Variants in RBFOX1 observed in about 807,000 individuals in gnomAD.
The protein encoded by RBFOX1 is RNA binding fox-1 homolog 1.
In RBFOX1, 8 loss-of-function variants were observed where a neutral mutation model predicts 57.7. The ratio of observed to expected loss-of-function variants is 0.14; its 90% confidence interval spans 0.08 to 0.25. RBFOX1 has a LOEUF of 0.25. Among genes scored for constraint, RBFOX1 ranks in the 10% least tolerant of loss-of-function variants. The probability of loss-of-function intolerance (pLI) is 1.00; values close to 1 mark genes in which losing one functional copy is unlikely to be tolerated. For synonymous variants in RBFOX1, 326 were observed against 222.4 expected, an observed-to-expected ratio of 1.47 and a Z score of -4.15; for missense variants, 611 against 548.5, an observed-to-expected ratio of 1.11 and a Z score of -1.14.
At chr16:6,678,607 G>T (rs561652138) in intron 3 of RBFOX1, among the ~76,000 whole-genome samples, 88 of 151,064 alleles carry the variant, frequency 5.8e-4, no homozygotes, top group African/African-American at 2.0e-3. Context: ...ACAGCGGATT[G>T]CATACTAGAT....
At chr16:6,090,152 T>G (rs1208591177) in intron 1 of RBFOX1, 2 of 152,178 alleles carry the variant, frequency 1.3e-5, no homozygotes, top group East Asian at 3.9e-4. Context: ...GTTGAGTCCT[T>G]TTTCACATCA....
intron 3 of RBFOX1, among the ~76,000 whole-genome samples, chr16:6,934,746 T>G (rs1257782148): frequency 2.6e-5 from 4 of 152,102 alleles, no homozygotes; most frequent in Non-Finnish European, 1.5e-5. Context: ...TTGCTTAGTT[T>G]GGAGGATCTC....
intron 4 of RBFOX1, among the ~76,000 whole-genome samples, chr16:5,884,643 T>C (rs568607481): frequency 5.5e-4 from 84 of 152,242 alleles, no homozygotes; most frequent in African/African-American, 1.9e-3. Context: ...CCATGTTCTC[T>C]CATTCCATGT....
intron 4 of RBFOX1, among the ~76,000 whole-genome samples, chr16:7,296,759 G>T (rs2095900788): frequency 6.6e-6 from 1 of 152,078 alleles, no homozygotes; most frequent in African/African-American, 2.4e-5. Flanking sequence ...CTTTCTTTCG[G>T]GTGCAGACTG....
chr16:6,088,530 C>CTCATTCCT (rs1555503022), intron 1 of RBFOX1, among the ~76,000 whole-genome samples: 2 of 149,992 alleles, frequency 1.3e-5, no homozygotes, highest in African/African-American at 4.9e-5. Context: ...CTTTCCTTTT[C>CTCATTCCT]TCCTTCCTTC....
intron 3 of RBFOX1, among the ~76,000 whole-genome samples, chr16:6,915,670 C>T (rs916217743): frequency 6.6e-6 from 1 of 151,402 alleles, no homozygotes; most frequent in Non-Finnish European, 1.5e-5. Flanking sequence ...CCTGCCTCAG[C>T]CTTCAGAGTA....
intron 1 of RBFOX1, among the ~76,000 whole-genome samples, chr16:5,382,535 G>A (rs2066156762): frequency 6.6e-6 from 1 of 151,988 alleles, no homozygotes; most frequent in Non-Finnish European, 1.5e-5. Flanking sequence ...GTTCTGATTT[G>A]CAAACAGGAC....
At chr16:7,541,035 C>T (rs992354822) in intron 5 of RBFOX1, among the ~76,000 whole-genome samples, 9 of 152,170 alleles carry the variant, frequency 5.9e-5, no homozygotes, top group Non-Finnish European at 8.8e-5. Context: ...CTGCCCAAGA[C>T]CCAGAATGTT....
intron 1 of RBFOX1, among the ~76,000 whole-genome samples, chr16:6,297,821 C>G (rs1435672336): frequency 6.6e-6 from 1 of 152,124 alleles, no homozygotes; most frequent in Non-Finnish European, 1.5e-5. Flanking sequence ...TGGGGACAGT[C>G]AGAGAGGAGA....
intron 3 of RBFOX1, among the ~76,000 whole-genome samples, chr16:6,982,629 T>A (rs1001726983): frequency 5.3e-5 from 8 of 152,172 alleles, no homozygotes; most frequent in Non-Finnish European, 1.0e-4. Context: ...CAAAGCCCTT[T>A]CTTGCACATT....
At chr16:6,718,678 T>C (rs2065320738) in intron 3 of RBFOX1, among the ~76,000 whole-genome samples, 1 of 152,130 alleles carries the variant, frequency 6.6e-6, no homozygotes, top group South Asian at 2.1e-4. Context: ...GTTTTTGTGA[T>C]AGTGAGTGAG....
intron 2 of RBFOX1, among the ~76,000 whole-genome samples, chr16:6,509,928 C>G (rs926996912): frequency 6.6e-6 from 1 of 152,088 alleles, no homozygotes; most frequent in African/African-American, 2.4e-5. Flanking sequence ...ATGCAGGAGA[C>G]GCTCCATAAG....
At chr16:6,921,119 C>G (rs9921521) in intron 3 of RBFOX1, among the ~76,000 whole-genome samples, 1 of 152,112 alleles carries the variant, frequency 6.6e-6, no homozygotes, top group South Asian at 2.1e-4. Context: ...GATAAGTTTC[C>G]TAAACTCCCC....
At chr16:6,615,097 G>C (rs1346963277) in intron 2 of RBFOX1, among the ~76,000 whole-genome samples, 7 of 152,132 alleles carry the variant, frequency 4.6e-5, no homozygotes, top group Admixed American at 4.6e-4. Flanking sequence ...GAAAACAGTT[G>C]CACCTTTGCT....
chr16:5,534,058 G>T (rs575968264), intron 2 of RBFOX1, among the ~76,000 whole-genome samples: 2 of 152,238 alleles, frequency 1.3e-5, no homozygotes, highest in Admixed American at 1.3e-4. Context: ...CATGGGGACT[G>T]GCCACATCTA....
intron 3 of RBFOX1, among the ~76,000 whole-genome samples, chr16:7,016,266 A>G (rs147494504): frequency 2.0e-5 from 3 of 152,262 alleles, no homozygotes; most frequent in Admixed American, 1.3e-4. Context: ...CATCCCCAAG[A>G]TCTGTCTCGG....
At chr16:5,733,872 G>T (rs779052523) in intron 3 of RBFOX1, among the ~76,000 whole-genome samples, 5 of 151,636 alleles carry the variant, frequency 3.3e-5, no homozygotes, top group Non-Finnish European at 7.4e-5. Context: ...TTTTCTCTCA[G>T]CTTTCTCTCT....
At chr16:6,262,501 A>G (rs1431801996) in intron 1 of RBFOX1, among the ~76,000 whole-genome samples, 1 of 152,146 alleles carries the variant, frequency 6.6e-6, no homozygotes, top group East Asian at 1.9e-4. Flanking sequence ...TGAGGGAGGC[A>G]GTGTTCACTG....
intron 2 of RBFOX1, among the ~76,000 whole-genome samples, chr16:6,554,377 C>A (rs1479430175): frequency 1.3e-5 from 2 of 152,054 alleles, no homozygotes; most frequent in South Asian, 2.1e-4. Flanking sequence ...TAGTAATTGC[C>A]TAGGGATGGA....
Sources: allele counts gnomAD v4.1 joint callset (sites outside exome capture counted in the v4.1 genomes callset), GRCh38; gene constraint gnomAD v4.1.1; transcripts MANE v1.5; gene names NCBI Gene and HGNC (gene_info 2026-07-23, HGNC 2026-07-21).